DPP9: variants seen among roughly 807,000 people sequenced by gnomAD.
DPP9 encodes dipeptidyl peptidase 9, also known as dipeptidyl peptidase IV-related protein-2.
DPP9 carries 50 observed loss-of-function variants against 110.7 expected under a neutral mutation model. That is an observed-to-expected ratio of 0.45 (90% CI 0.36 to 0.57). DPP9 has a LOEUF of 0.57. DPP9 is among the 20% of genes least tolerant of loss of function. DPP9 has a pLI of 0.00. For synonymous variants in DPP9, 561 were observed against 514.4 expected, an observed-to-expected ratio of 1.09 and a Z score of -1.23; for missense variants, 1,022 against 1,217.9, an observed-to-expected ratio of 0.84 and a Z score of 2.39.
Position 4,679,663 on chromosome 19 carries a change from G to A in DPP9, c.2586+172C>T, listed in dbSNP as rs2089513601. 19 of 597,780 alleles carry A rather than the reference G, an allele frequency of 3.2e-5. No homozygotes were observed. The South Asian group carries it at 3.3e-4, about 11-fold the overall frequency. 37.0% of individuals were successfully genotyped at this position (597,780 alleles called of 1,614,324 possible). On this transcript the variant is annotated intron_variant, in intron 21 of 21. Transcript: ENST00000262960. ...TCAAGACAGGACTGATACATCAATGGCCCTGGGAGCTGGGAGGGCGGGGAC... is the reference window on the plus strand; with the variant it reads ...TCAAGACAGGACTGATACATCAATGACCCTGGGAGCTGGGAGGGCGGGGAC...
chr19:4,707,177 G>A (rs1196144721), intron 4 of DPP9, among the ~76,000 whole-genome samples: 3 of 152,216 alleles, frequency 2.0e-5, no homozygotes, highest in Non-Finnish European at 4.4e-5. Context: ...GACCCTCTGT[G>A]AAATCAGCGT....
chr19:4,690,166 G>C (rs534980274), intron 14 of DPP9, among the ~76,000 whole-genome samples: 1 of 152,248 alleles, frequency 6.6e-6, no homozygotes, highest in Non-Finnish European at 1.5e-5. Flanking sequence ...GGAAGCCCCA[G>C]TAGGCCCCGA....
Position 4,690,908 on chromosome 19 carries a change from T to C in DPP9, c.1566A>G (p.Glu522=). Residue 522 remains glutamate, a synonymous_variant, in exon 14 of 22, where the codon GAA becomes GAG. Coordinates refer to ENST00000262960, the MANE Select transcript of DPP9 (RefSeq NM_139159.5). The stretch of plus-strand genomic sequence containing the variant: ...AGCCGTGCCTCGCCAAAACCTCCCA[T>C]TCACCGCTGGTCAGAGCAATCTCTT... The part of the protein sequence containing the change: ...IKEEIALTSG[E]WEVLARHGSK... 6.2e-7 allele frequency: 1 copy of C among 1,613,410 alleles called. No homozygotes were observed. The highest frequency in any genetic ancestry group is 8.5e-7 in the Non-Finnish European group (1 of 1,179,690).
At chr19:4,697,434 G>T in intron 11 of DPP9, 117 bp downstream of exon 11, 2 of 838,394 alleles carry the variant, frequency 2.4e-6, no homozygotes, top group Non-Finnish European at 3.7e-6. Flanking sequence ...GTTGCACTGC[G>T]GGAAGACGTG....
In DPP9 at chr19:4,694,685, T is replaced by C; in HGVS notation, c.1492A>G (p.Ser498Gly). The C allele has an allele frequency of 6.2e-7, 1 of 1,612,404 alleles. No homozygotes were observed. The highest frequency in any genetic ancestry group is 8.5e-7 in the Non-Finnish European group (1 of 1,179,226). The change falls in exon 13 of 22, where the codon AGT (serine) becomes GGT (glycine). Residue 498 changes from serine to glycine, a missense_variant. Transcript: ENST00000262960. The surrounding 1 kb of genome is among the most constrained non-coding windows in gnomAD (Gnocchi z 4.0). ...CCTTCCCCGGGGCTGAAGGGCTCAC[T>C]CCAATCGTAGCCCTGGGATTTTAAA... ...AVLKSQGYDWSEPFSPGEDEF... is the reference protein window; with the variant it reads ...AVLKSQGYDWGEPFSPGEDEF...
In DPP9 at chr19:4,695,495, C is replaced by CG; in HGVS notation, c.1235dup (p.Ala413GlyfsTer10). ...TCTCTGTGCTCGGGATGAACAGGGCCGGGGGGAGGAGGACGAGCTGGAGCC... is the reference window on the plus strand; with the variant it reads ...TCTCTGTGCTCGGGATGAACAGGGCCGGGGGGGAGGAGGACGAGCTGGAGCC... On this transcript the variant is annotated frameshift_variant, in exon 12 of 22. Transcript: ENST00000262960. LOFTEE classifies it high-confidence loss of function. This position sits in a 1 kb window ranked among gnomAD's most constrained non-coding sequence, Gnocchi z 4.7. 3 of 1,554,036 alleles carry CG rather than the reference C, an allele frequency of 1.9e-6. No individual in the cohort carries two copies. Among genetic ancestry groups the CG allele is most frequent in the East Asian group, 2.4e-5 (1 of 41,438 alleles).
At chr19:4,712,412 T>A (rs911542662) in intron 4 of DPP9, among the ~76,000 whole-genome samples, 21 of 152,068 alleles carry the variant, frequency 1.4e-4, no homozygotes, top group African/African-American at 4.8e-4. Context: ...TGTCTGGGCA[T>A]GGTGGCACGT....
intron 4 of DPP9, among the ~76,000 whole-genome samples, chr19:4,712,351 C>T (rs569315643): frequency 6.6e-6 from 1 of 152,190 alleles, no homozygotes; most frequent in South Asian, 2.1e-4. Context: ...GGGCTCAAGA[C>T]CAGCTTGGGC....
intron 16 of DPP9, 35 bp downstream of exon 16, chr19:4,688,722 G>A (rs762154919): frequency 2.0e-5 from 28 of 1,397,386 alleles, no homozygotes; most frequent in African/African-American, 1.4e-4. Flanking sequence ...CCGGGCGGGC[G>A]GAGGCCTCCG....
At position 4,685,165 on chromosome 19, in the gene DPP9, A is replaced by G. The variant is rs1412844486; in HGVS notation, c.2032-356T>C. The stretch of plus-strand genomic sequence containing the variant: ...TGAGAAGCCACTCCAGGCCAGGAGA[A>G]CTCGCAGTGGTGATGAACCACAAAG... On this transcript the variant is annotated intron_variant, in intron 17 of 21. Coordinates refer to ENST00000262960, the MANE Select transcript of DPP9 (RefSeq NM_139159.5). The surrounding 1 kb of genome is among the most constrained non-coding windows in gnomAD (Gnocchi z 5.8). 20 of 540,984 alleles carry G rather than the reference A, an allele frequency of 3.7e-5. No homozygotes were observed. In the East Asian group the frequency reaches 8.3e-4, roughly 22 times the overall value. 33.5% of individuals were successfully genotyped at this position (540,984 alleles called of 1,614,324 possible).
intron 1 of DPP9, 190 bp from the exon 2 acceptor site, chr19:4,722,741 G>A: frequency 1.7e-6 from 1 of 580,254 alleles, no homozygotes; most frequent in Non-Finnish European, 3.1e-6. Context: ...CCATCCCACG[G>A]GCCCCGATTC....
At chr19:4,705,800 G>A in intron 5 of DPP9, 58 bp downstream of exon 5, 1 of 1,536,564 alleles carries the variant, frequency 6.5e-7, no homozygotes, top group Non-Finnish European at 9.0e-7. Flanking sequence ...GGCCTGTGGG[G>A]CTGGCCTTTG....
At chr19:4,707,577 G>A (rs1453691683) in intron 4 of DPP9, among the ~76,000 whole-genome samples, 1 of 146,878 alleles carries the variant, frequency 6.8e-6, no homozygotes, top group Non-Finnish European at 1.5e-5. Flanking sequence ...TCGGATTGGT[G>A]CTGTCCTGTC....
In DPP9 at chr19:4,698,036, G is replaced by A. The variant is rs1558196; in HGVS notation, c.1075-385C>T. Among the ~76,000 whole-genome samples the A allele has an allele frequency of 6.6e-6, 1 of 151,856 alleles. No homozygotes were observed. Among genetic ancestry groups the A allele is most frequent in the Admixed American group, 6.6e-5 (1 of 15,194 alleles). Reference sequence around the variant, plus strand: ...CAATTTCGGCCGTGTAAGCCTCCCAGTCTGTGGTCCTTTGTCATGGCCCAA... The same window carrying A: ...CAATTTCGGCCGTGTAAGCCTCCCAATCTGTGGTCCTTTGTCATGGCCCAA... On this transcript the variant is annotated intron_variant, in intron 10 of 21. Transcript: ENST00000262960. This position sits in a 1 kb window ranked among gnomAD's most constrained non-coding sequence, Gnocchi z 4.2.
Position 4,702,733 on chromosome 19 carries a change from A to G in DPP9, c.770-17T>C. ...TGGATAAACCTAGGGGGAGGGACGG[A>G]GAGCATCAACAAGGGGTGAGCAGCC... is the stretch of plus-strand genomic sequence containing the variant. On this transcript the variant is annotated splice_polypyrimidine_tract_variant and intron_variant, in intron 7 of 21. Coordinates refer to ENST00000262960, the MANE Select transcript of DPP9 (RefSeq NM_139159.5). 6.6e-7 allele frequency: 1 copy of G among 1,513,444 alleles called. No individual in the cohort carries two copies. The highest frequency in any genetic ancestry group is 8.9e-7 in the Non-Finnish European group (1 of 1,120,590). 93.8% of individuals were successfully genotyped at this position (1,513,444 alleles called of 1,614,324 possible). A position where few individuals can be genotyped will look rare whatever the true frequency, so the allele number is the denominator to read the frequency against.
At chr19:4,686,760 G>A (rs1029844131) in intron 16 of DPP9, among the ~76,000 whole-genome samples, 2 of 152,178 alleles carry the variant, frequency 1.3e-5, no homozygotes, top group Non-Finnish European at 2.9e-5. Flanking sequence ...CAATTTATAG[G>A]AAGGTGAGTA....
intron 21 of DPP9, 179 bp downstream of exon 21, chr19:4,679,637 GTCAAGACAGGACTGATACA>G (rs2089509271): frequency 1.0e-5 from 6 of 580,702 alleles, no homozygotes; most frequent in Non-Finnish European, 1.5e-5. Context: ...ACCCTGAGCT[GTCAAGACAGGACTGATACA>G]TCAATGGCCC....
rs2092774885 is a variant in DPP9, at chr19:4,710,362, G to A, written c.313+3719C>T. Among the ~76,000 whole-genome samples the A allele has an allele frequency of 6.6e-6, 1 of 152,224 alleles. No homozygotes were observed. The highest frequency in any genetic ancestry group is 2.1e-4 in the South Asian group (1 of 4,832). On this transcript the variant is annotated intron_variant, in intron 4 of 21. Coordinates refer to ENST00000262960, the MANE Select transcript of DPP9 (RefSeq NM_139159.5). This position sits in a 1 kb window ranked among gnomAD's most constrained non-coding sequence, Gnocchi z 5.6. ...GTCTGGAACCCTGTGGCCTCCTCCA[G>A]CCACAGAAGTCACCGTTTGCAGTGG...
chr19:4,682,734 C>A lies in DPP9; in HGVS notation c.2436G>T (p.Ala812=). Residue 812 remains alanine, a synonymous_variant, in exon 20 of 22, where the codon GCG becomes GCT. Coordinates refer to ENST00000262960, the MANE Select transcript of DPP9 (RefSeq NM_139159.5). The surrounding 1 kb of genome is among the most constrained non-coding windows in gnomAD (Gnocchi z 7.1). ...TCTCCACGTGCAGGGCCACGGAACC[C>A]GCCTCATAGCCGTGCTGGTTGTTCT... ...VPENNQHGYE[A]GSVALHVEKL... 1 of 1,608,958 alleles carries A rather than the reference C, an allele frequency of 6.2e-7. No individual in the cohort carries two copies. The highest frequency in any genetic ancestry group is 2.2e-5 in the East Asian group (1 of 44,688).
Sources: gnomAD v4.1 joint callset for allele counts (sites outside exome capture counted in the v4.1 genomes callset) on GRCh38, gnomAD v4.1.1 for gene constraint, Gnocchi (gnomAD v3.1) non-coding constraint, MANE v1.5 for transcripts, NCBI Gene and HGNC (gene_info 2026-07-23, HGNC 2026-07-21) for gene names.